Variants in LBR observed in about 807,000 individuals in gnomAD.
LBR encodes the protein lamin B receptor, also known as delta(14)-sterol reductase LBR.
Under a neutral mutation model 74.3 loss-of-function variants are expected in LBR, and 28 were observed. The observed-to-expected ratio is 0.38, with a 90% CI of 0.28 to 0.52. LBR has a LOEUF of 0.52. LBR is among the 20% of genes least tolerant of loss of function. The pLI is 0.89. For missense variants in LBR, 717 were observed against 760.3 expected, an observed-to-expected ratio of 0.94 and a Z score of 0.67; for synonymous variants, 228 against 269.3, an observed-to-expected ratio of 0.85 and a Z score of 1.50.
At chr1:225,417,935 T>C (rs765621041) in intron 6 of LBR, 49 bp downstream of exon 6, 3 of 1,550,742 alleles carry the variant, frequency 1.9e-6, no homozygotes, top group East Asian at 2.3e-5. Flanking sequence ...CTGGACAATA[T>C]AGTGAGACCT....
chr1:225,415,306 A>G lies in LBR; in HGVS notation c.864T>C (p.Asp288=). The change falls in exon 7 of 14, where the codon GAT becomes GAC. Residue 288 remains aspartate, a synonymous_variant. Coordinates refer to ENST00000272163, the MANE Select transcript of LBR (RefSeq NM_002296.4). ...TTAATCTATACTTGAGTCTTCTTCCATCAATAAGAGGCGTTCCTTCTACAA... is the reference window on the plus strand; with the variant it reads ...TTAATCTATACTTGAGTCTTCTTCCGTCAATAAGAGGCGTTCCTTCTACAA... ...GKVVEGTPLI[D]GRRLKYRLNG... is the part of the protein sequence containing the mutation. 1.9e-6 allele frequency: 3 copies of G among 1,595,478 alleles called. No individual in the cohort carries two copies. The highest frequency in any genetic ancestry group is 2.6e-6 in the Non-Finnish European group (3 of 1,165,836).
In LBR at chr1:225,410,324, C is replaced by T; in HGVS notation, c.1281G>A (p.Gln427=). Residue 427 remains glutamine (Q), a synonymous_variant, in exon 10 of 14, where the codon CAG becomes CAA. Coordinates refer to ENST00000272163, the MANE Select transcript of LBR (RefSeq NM_002296.4). ...SLAMILVNSF[Q]LLYVVDALWN... ...AGAGAGCATCCACCACATAGAGAAG[C>T]TGGAAACTATTAACTAAAATCATGG... is the stretch of plus-strand genomic sequence containing the variant. 1 of 1,614,198 alleles carries T rather than the reference C, an allele frequency of 6.2e-7. No individual in the cohort carries two copies. Among genetic ancestry groups the T allele is most frequent in the South Asian group, 1.1e-5 (1 of 91,088 alleles).
intron 10 of LBR, among the ~76,000 whole-genome samples, chr1:225,409,704 GC>G (rs1328498601): frequency 7.9e-5 from 12 of 152,300 alleles, no homozygotes; most frequent in African/African-American, 2.9e-4. Flanking sequence ...AAAGGAATAT[GC>G]TGGCTGAGAC....
rs184378202 is a variant in LBR, at chr1:225,424,055, G to A, written c.21C>T (p.Ala7=). Residue 7 remains alanine, a synonymous_variant, in exon 2 of 14, where the codon GCC becomes GCT. Coordinates refer to ENST00000272163, the MANE Select transcript of LBR (RefSeq NM_002296.4). MPSRKF[A]DGEVVRGRWP... ...ATCGACCTCTTACCACTTCACCATC[G>A]GCAAATTTCCTACTTGGCATTTTCT... The A allele has an allele frequency of 5.7e-5, 92 of 1,613,954 alleles. No individual in the cohort carries two copies. Among genetic ancestry groups the A allele is most frequent in the Middle Eastern group, 3.3e-4 (2 of 6,062 alleles).
intron 3 of LBR, 53 bp from the exon 4 acceptor site, chr1:225,419,851 G>T: frequency 1.6e-6 from 2 of 1,259,454 alleles, no homozygotes; most frequent in Non-Finnish European, 2.3e-6. Context: ...TTATTAAAAA[G>T]AAACATGATG....
In LBR at chr1:225,402,189, G is replaced by A. The variant is rs2096082992; in HGVS notation, c.*1114C>T. On this transcript the variant is annotated 3_prime_UTR_variant, in exon 14 of 14. Coordinates refer to ENST00000272163, the MANE Select transcript of LBR (RefSeq NM_002296.4). ...TTAAGACAGCACTCCTTTACAGGGAGTCAGGTTTGGTAAATATAAAGGATA... is the reference window on the plus strand; with the variant it reads ...TTAAGACAGCACTCCTTTACAGGGAATCAGGTTTGGTAAATATAAAGGATA... 6.6e-6 allele frequency: 1 copy of A among 152,180 alleles called. No individual in the cohort carries two copies. The highest frequency in any genetic ancestry group is 2.1e-4 in the South Asian group (1 of 4,836). The allele number at this position is 152,180 out of a possible 1,614,324, so 9.4% of individuals were successfully genotyped here.
rs1288025729 is a variant in LBR at position 225,411,322 on chromosome 1, AAAAAC to A, written c.1188+10_1188+14del. 6.3e-7 allele frequency: 1 copy of A among 1,584,422 alleles called. No homozygotes were observed. The highest frequency in any genetic ancestry group is 1.7e-5 in the Admixed American group (1 of 60,000). On this transcript the variant is annotated intron_variant, in intron 9 of 13. Transcript: ENST00000272163. Reference sequence around the variant, plus strand: ...CTATTGAATTGAAATTTAGAAGAAAAAAAACCAGACATACCCATCCAATCAATCCG... The same window carrying A: ...CTATTGAATTGAAATTTAGAAGAAAACAGACATACCCATCCAATCAATCCG...
Position 225,406,657 on chromosome 1 carries a change from TACTC to T in LBR, c.1483+3_1483+6del, listed in dbSNP as rs756315635. ...TAAATTAAACTGAGACTAAAATTAA[TACTC>T]ACGTTTCAGAACAATAATTAGAGAA... is the stretch of plus-strand genomic sequence containing the variant. On this transcript the variant is annotated splice_donor_5th_base_variant and intron_variant, in intron 11 of 13. Coordinates refer to ENST00000272163, the MANE Select transcript of LBR (RefSeq NM_002296.4). The T allele has an allele frequency of 5.0e-6, 8 of 1,606,888 alleles. No homozygotes were observed. Among genetic ancestry groups the T allele is most frequent in the Non-Finnish European group, 6.8e-6 (8 of 1,176,074 alleles).
In LBR at chr1:225,404,267, G is replaced by A. The variant is rs1477499095; in HGVS notation, c.1687+137C>T. 8 of 1,164,788 alleles carry A rather than the reference G, an allele frequency of 6.9e-6. 1 individual carries two copies. The highest frequency in any genetic ancestry group is 3.0e-5 in the African/African-American group (2 of 65,914). The allele number at this position is 1,164,788 out of a possible 1,614,324, so 72.2% of individuals were successfully genotyped here. On this transcript the variant is annotated intron_variant, in intron 13 of 13. Transcript: ENST00000272163. ...CTCAGAAGCCAGAGGAGCTTCTACA[G>A]AGGCCAACCTCACAGTAGAAAAGGG... is the stretch of plus-strand genomic sequence containing the variant.
In LBR at chr1:225,401,528, T is replaced by G. The variant is rs557657265; in HGVS notation, c.*1775A>C. On this transcript the variant is annotated 3_prime_UTR_variant, in exon 14 of 14. Transcript: ENST00000272163. Reference sequence around the variant, plus strand: ...GATCAAAATGTTGCTACATTTTATTTTCAACTTAAAACTTCATTATAAAAT... The same window carrying G: ...GATCAAAATGTTGCTACATTTTATTGTCAACTTAAAACTTCATTATAAAAT... The G allele has an allele frequency of 6.6e-6, 1 of 152,238 alleles. No homozygotes were observed. The highest frequency in any genetic ancestry group is 6.5e-5 in the Admixed American group (1 of 15,302). The allele number at this position is 152,238 out of a possible 1,614,324, so 9.4% of individuals were successfully genotyped here. A position where few individuals can be genotyped will look rare whatever the true frequency, so the allele number is the denominator to read the frequency against.
At position 225,404,452 on chromosome 1, in the gene LBR, T is replaced by A; in HGVS notation, c.1639A>T (p.Asn547Tyr). The A allele has an allele frequency of 6.2e-7, 1 of 1,614,176 alleles. No individual in the cohort carries two copies. Among genetic ancestry groups the A allele is most frequent in the African/African-American group, 1.3e-5 (1 of 75,058 alleles). ...GCCATGATGAGATCACCCAAGTAATTGGGGTGGCGAACAAAGCCCCACCAT... is the reference window on the plus strand; with the variant it reads ...GCCATGATGAGATCACCCAAGTAATAGGGGTGGCGAACAAAGCCCCACCAT... The part of the protein sequence containing the change: ...SGWWGFVRHP[N>Y]YLGDLIMALA... The change falls in exon 13 of 14, where the codon AAT becomes TAT. Residue 547 changes from asparagine to tyrosine, a missense_variant. Physicochemically the swap from Asn to Tyr is moderately radical, Grantham distance 143. Coordinates refer to ENST00000272163, the MANE Select transcript of LBR (RefSeq NM_002296.4).
At chr1:225,423,806 T>C in intron 2 of LBR, 105 bp downstream of exon 2, 1 of 1,086,978 alleles carries the variant, frequency 9.2e-7, no homozygotes, top group Non-Finnish European at 1.4e-6. Flanking sequence ...CTCAATCCTC[T>C]GCCTTCAAAC....
rs2096081969 is a variant in LBR at position 225,401,527 on chromosome 1, T to C, written c.*1776A>G. ...TGATCAAAATGTTGCTACATTTTAT[T>C]TTCAACTTAAAACTTCATTATAAAA... is the stretch of plus-strand genomic sequence containing the variant. On this transcript the variant is annotated 3_prime_UTR_variant, in exon 14 of 14. Coordinates refer to ENST00000272163, the MANE Select transcript of LBR (RefSeq NM_002296.4). 6.6e-6 allele frequency: 1 copy of C among 152,066 alleles called. No homozygotes were observed. The highest frequency in any genetic ancestry group is 1.5e-5 in the Non-Finnish European group (1 of 68,016). The allele number at this position is 152,066 out of a possible 1,614,324, so 9.4% of individuals were successfully genotyped here.
chr1:225,405,512 GGTTT>G (rs2096089712), intron 11 of LBR, among the ~76,000 whole-genome samples: 2 of 152,044 alleles, frequency 1.3e-5, no homozygotes, highest in Non-Finnish European at 2.9e-5. Context: ...ATCTCGAGTG[GGTTT>G]GTTATAAAAG....
At chr1:225,411,980 T>C (rs565155023) in intron 8 of LBR, among the ~76,000 whole-genome samples, 144 of 152,286 alleles carry the variant, frequency 9.5e-4, no homozygotes, top group African/African-American at 3.4e-3. Flanking sequence ...CAGCTGATTT[T>C]TGTATTTTTA....
At chr1:225,412,392 G>C in intron 8 of LBR, 62 bp downstream of exon 8, 1 of 1,478,462 alleles carries the variant, frequency 6.8e-7, no homozygotes, top group Non-Finnish European at 9.4e-7. Flanking sequence ...ATTCAAATCT[G>C]GAAATGGCTG....
At chr1:225,408,617 G>A (rs1418608353) in intron 10 of LBR, among the ~76,000 whole-genome samples, 1 of 152,242 alleles carries the variant, frequency 6.6e-6, no homozygotes, top group Non-Finnish European at 1.5e-5. Flanking sequence ...AAGTTATTAA[G>A]CATCTGCTAA....
At chr1:225,426,149 A>C (rs2096138710) in intron 1 of LBR, among the ~76,000 whole-genome samples, 1 of 152,256 alleles carries the variant, frequency 6.6e-6, no homozygotes, top group Non-Finnish European at 1.5e-5. Context: ...TTCTTAGAAG[A>C]CCATTATCTT....
At chr1:225,428,278 C>T (rs1266891373), upstream of LBR, among the ~76,000 whole-genome samples, 1 of 152,110 alleles carries the variant, frequency 6.6e-6, no homozygotes, top group Non-Finnish European at 1.5e-5. Context: ...GCGGGGGAAA[C>T]CGAGTCTGGC....
Sources: allele counts gnomAD v4.1 joint callset (sites outside exome capture counted in the v4.1 genomes callset), GRCh38; gene constraint gnomAD v4.1.1; transcripts MANE v1.5; gene names NCBI Gene and HGNC (gene_info 2026-07-23, HGNC 2026-07-21).